UNC5C: variants seen among roughly 807,000 people sequenced by gnomAD.
The protein encoded by UNC5C is unc-5 netrin receptor C.
In UNC5C, 47 loss-of-function variants were observed where a neutral mutation model predicts 99.8. That is an observed-to-expected ratio of 0.47 (90% CI 0.37 to 0.60). UNC5C has a LOEUF of 0.60. Ranked by LOEUF, UNC5C falls within the 20% of genes least tolerant of loss-of-function variation. The pLI is 0.00. For missense variants in UNC5C, 1,062 were observed against 1,165.9 expected (o/e 0.91, Z 1.30); for synonymous variants, 487 against 452.2 (o/e 1.08, Z -0.98).
intron 4 of UNC5C, among the ~76,000 whole-genome samples, chr4:95,276,159 G>T (rs748192553): frequency 8.6e-5 from 13 of 151,986 alleles, no homozygotes; most frequent in African/African-American, 1.2e-4. Flanking sequence ...GTTGTAATAT[G>T]TCATGTTAAG....
At chr4:95,363,203 AGACAGC>A (rs1744449171) in intron 1 of UNC5C, among the ~76,000 whole-genome samples, 8 of 152,046 alleles carry the variant, frequency 5.3e-5, no homozygotes, top group Non-Finnish European at 1.0e-4. Flanking sequence ...AGTCTCTGGC[AGACAGC>A]TGCACCACCG....
At chr4:95,347,039 T>C (rs1408995629) in intron 1 of UNC5C, among the ~76,000 whole-genome samples, 1 of 151,960 alleles carries the variant, frequency 6.6e-6, no homozygotes, top group Non-Finnish European at 1.5e-5. Flanking sequence ...CAAAAAACTA[T>C]TGGAACTAAT....
At position 95,202,724 on chromosome 4, in the gene UNC5C, CACTT is replaced by C. The variant is rs1247343367; in HGVS notation, c.2136+3_2136+6del. On this transcript the variant is annotated splice_donor_5th_base_variant and intron_variant, in intron 12 of 15. Transcript: ENST00000453304. ...TGAAGAGGGCAGGCTAGGTGGGAGGCACTTACCTTCAGGGCATCCTGGGTGTCAT... is the reference window on the plus strand; with the variant it reads ...TGAAGAGGGCAGGCTAGGTGGGAGGCACCTTCAGGGCATCCTGGGTGTCAT... 6.2e-7 allele frequency: 1 copy of C among 1,613,220 alleles called. No individual in the cohort carries two copies. The highest frequency in any genetic ancestry group is 8.5e-7 in the Non-Finnish European group (1 of 1,179,600).
At chr4:95,478,801 G>A (rs1307188418) in intron 1 of UNC5C, among the ~76,000 whole-genome samples, 1 of 151,998 alleles carries the variant, frequency 6.6e-6, no homozygotes, top group Non-Finnish European at 1.5e-5. Flanking sequence ...AGTGTTGGAG[G>A]TGGGCCCTAG....
At chr4:95,217,020 G>T (rs1029866736) in intron 9 of UNC5C, among the ~76,000 whole-genome samples, 1 of 152,196 alleles carries the variant, frequency 6.6e-6, no homozygotes, top group African/African-American at 2.4e-5. Flanking sequence ...ATCACAAAGA[G>T]TGATTCAGTG....
At chr4:95,209,016 C>G (rs980099511) in intron 10 of UNC5C, among the ~76,000 whole-genome samples, 7 of 152,258 alleles carry the variant, frequency 4.6e-5, no homozygotes, top group Non-Finnish European at 1.0e-4. Context: ...ATAGCAATTA[C>G]CTTGAAAGAT....
At chr4:95,252,493 C>T (rs1739784034) in intron 4 of UNC5C, among the ~76,000 whole-genome samples, 1 of 152,242 alleles carries the variant, frequency 6.6e-6, no homozygotes, top group South Asian at 2.1e-4. Context: ...CCCCATTAGC[C>T]CCATTAGCCA....
chr4:95,291,750 G>A (rs537410687), intron 3 of UNC5C, among the ~76,000 whole-genome samples: 9 of 152,036 alleles, frequency 5.9e-5, no homozygotes, highest in South Asian at 4.2e-4. Context: ...TAAAACAAGA[G>A]TATTAATTAA....
chr4:95,301,555 T>C (rs751302714), intron 3 of UNC5C, 51 bp downstream of exon 3: 6 of 1,610,796 alleles, frequency 3.7e-6, no homozygotes, highest in Non-Finnish European at 4.2e-6. Flanking sequence ...AAACTTTCCC[T>C]TATGTGTATC....
intron 1 of UNC5C, among the ~76,000 whole-genome samples, chr4:95,507,169 A>G (rs192757121): frequency 1.4e-4 from 21 of 152,130 alleles, no homozygotes; most frequent in African/African-American, 4.8e-4. Flanking sequence ...ACTTTTTTAA[A>G]TGATGGGAGA....
intron 12 of UNC5C, among the ~76,000 whole-genome samples, chr4:95,201,522 C>T (rs1252716094): frequency 1.3e-5 from 2 of 152,150 alleles, no homozygotes; most frequent in Non-Finnish European, 2.9e-5. Context: ...ATCTCAGCTC[C>T]TCTCTCTGGC....
intron 4 of UNC5C, among the ~76,000 whole-genome samples, chr4:95,257,914 C>T (rs757477702): frequency 5.9e-5 from 9 of 151,996 alleles, no homozygotes; most frequent in Non-Finnish European, 8.8e-5. Flanking sequence ...AATGATAAAG[C>T]GTTAATAAAA....
chr4:95,206,518 C>A, intron 11 of UNC5C, 110 bp downstream of exon 11: 1 of 1,501,370 alleles, frequency 6.7e-7, no homozygotes, highest in Non-Finnish European at 9.0e-7. Flanking sequence ...TGAGGGTGAG[C>A]TAAAATTCCA....
intron 7 of UNC5C, among the ~76,000 whole-genome samples, chr4:95,228,257 A>T (rs186565379): frequency 3.9e-3 from 589 of 152,276 alleles, no homozygotes; most frequent in Non-Finnish European, 6.8e-3. Context: ...GCCTTTTCAA[A>T]TTTTTTCTTT....
chr4:95,198,074 G>A lies in UNC5C; in HGVS notation c.2136+4657C>T, dbSNP rs1162251837. Among the ~76,000 whole-genome samples, 8 of 144,128 alleles carry A rather than the reference G, an allele frequency of 5.6e-5. No individual in the cohort carries two copies. In the East Asian group the frequency reaches 1.1e-3, roughly 20 times the overall value. 94.6% of individuals were successfully genotyped at this position (144,128 alleles called of 152,430 possible). A position where few individuals can be genotyped will look rare whatever the true frequency, so the allele number is the denominator to read the frequency against. On this transcript the variant is annotated intron_variant, in intron 12 of 15. Coordinates refer to ENST00000453304, the MANE Select transcript of UNC5C (RefSeq NM_003728.4). ...GCGATCTCTGCTCACTGCAGCCTCC[G>A]CCTCCCAGGTTCAAGCAACTCTCCC...
intron 4 of UNC5C, among the ~76,000 whole-genome samples, chr4:95,260,295 C>T (rs189125665): frequency 1.2e-3 from 177 of 152,272 alleles, no homozygotes; most frequent in African/African-American, 2.3e-3. Flanking sequence ...GAAGGTTTTA[C>T]GATGCATTGT....
intron 12 of UNC5C, among the ~76,000 whole-genome samples, chr4:95,190,852 A>AGAGT (rs1737057410): frequency 6.6e-6 from 1 of 152,188 alleles, no homozygotes; most frequent in African/African-American, 2.4e-5. Context: ...TGGCCGGCCC[A>AGAGT]GAGTGAGGGC....
intron 1 of UNC5C, among the ~76,000 whole-genome samples, chr4:95,422,013 A>G (rs2149456532): frequency 6.6e-6 from 1 of 152,360 alleles, no homozygotes; most frequent in South Asian, 2.1e-4. Context: ...AAGGGCCAAC[A>G]GAGCACATGT....
At chr4:95,445,334 C>CG (rs11459307) in intron 1 of UNC5C, among the ~76,000 whole-genome samples, 3 of 149,786 alleles carry the variant, frequency 2.0e-5, no homozygotes, top group African/African-American at 7.4e-5. Context: ...AGAAATGAAT[C>CG]TTTTTTTTTT....
Sources: gnomAD v4.1 joint callset for allele counts (sites outside exome capture counted in the v4.1 genomes callset) on GRCh38, gnomAD v4.1.1 for gene constraint, MANE v1.5 for transcripts, NCBI Gene and HGNC (gene_info 2026-07-23, HGNC 2026-07-21) for gene names.